The following KIAA1958 variants were observed in gnomAD, a reference collection of about 807,000 sequenced individuals.
The protein encoded by KIAA1958 is KIAA1958, also known as uncharacterized protein KIAA1958.
A neutral mutation model predicts 47.2 loss-of-function variants in KIAA1958; 14 were observed. That is an observed-to-expected ratio of 0.30 (90% CI 0.20 to 0.46). The LOEUF is 0.46. KIAA1958 is among the 20% of genes least tolerant of loss of function. The pLI is 1.00. For synonymous variants in KIAA1958, 354 were observed against 353.3 expected, an observed-to-expected ratio of 1.00 and a Z score of -0.02; for missense variants, 803 against 909.2, an observed-to-expected ratio of 0.88 and a Z score of 1.50.
intron 1 of KIAA1958, among the ~76,000 whole-genome samples, chr9:112,505,000 A>G (rs1306970702): frequency 6.6e-6 from 1 of 152,088 alleles, no homozygotes; most frequent in Non-Finnish European, 1.5e-5. Context: ...ATCTTACTCT[A>G]TGTGTACCCT....
At chr9:112,613,030 C>T (rs1004482089) in intron 2 of KIAA1958, among the ~76,000 whole-genome samples, 16 of 152,110 alleles carry the variant, frequency 1.1e-4, no homozygotes, top group African/African-American at 3.6e-4. Flanking sequence ...ATAGTATGTT[C>T]CTCCCCCCCA....
chr9:112,641,385 C>T (rs1836887505), intron 2 of KIAA1958, among the ~76,000 whole-genome samples: 2 of 114,114 alleles, frequency 1.8e-5, no homozygotes, highest in Admixed American at 8.9e-5. Context: ...TGATTCTTCT[C>T]GCTATGTTGA....
In KIAA1958 at chr9:112,666,969, A is replaced by G. The variant is rs1387186563; in HGVS notation, c.*6900A>G. The stretch of plus-strand genomic sequence containing the variant: ...GAAGGACTATTAGACCTATGGTGGC[A>G]TCCCAAGAATAAAGCCCTTTAGGTG... On this transcript the variant is annotated 3_prime_UTR_variant, in exon 4 of 4. Coordinates refer to ENST00000337530, the MANE Select transcript of KIAA1958 (RefSeq NM_133465.4). 6.6e-6 allele frequency: 1 copy of G among 152,266 alleles called. No individual in the cohort carries two copies. The highest frequency in any genetic ancestry group is 1.5e-5 in the Non-Finnish European group (1 of 68,038). 9.4% of individuals were successfully genotyped at this position (152,266 alleles called of 1,614,324 possible). A position where few individuals can be genotyped will look rare whatever the true frequency, so the allele number is the denominator to read the frequency against.
intron 2 of KIAA1958, among the ~76,000 whole-genome samples, chr9:112,592,723 A>G (rs1035234742): frequency 1.3e-5 from 2 of 152,222 alleles, no homozygotes; most frequent in African/African-American, 4.8e-5. Context: ...TTAATAGAAG[A>G]GAGGTAGCCT....
chr9:112,531,710 G>C (rs1294053041), intron 1 of KIAA1958, among the ~76,000 whole-genome samples: 7 of 152,128 alleles, frequency 4.6e-5, no homozygotes, highest in African/African-American at 1.7e-4. Flanking sequence ...CTAGTGAACC[G>C]GTTCCTATTT....
intron 1 of KIAA1958, among the ~76,000 whole-genome samples, chr9:112,528,577 C>T (rs1424966987): frequency 1.3e-5 from 2 of 152,150 alleles, no homozygotes; most frequent in African/African-American, 4.8e-5. Flanking sequence ...GGCTGAAGTG[C>T]AGTGGCATGA....
At chr9:112,522,810 G>C (rs938411000) in intron 1 of KIAA1958, among the ~76,000 whole-genome samples, 2 of 152,212 alleles carry the variant, frequency 1.3e-5, no homozygotes, top group African/African-American at 4.8e-5. Context: ...TCTCAGCTCA[G>C]TCCCCAGTGG....
intron 2 of KIAA1958, among the ~76,000 whole-genome samples, chr9:112,638,426 C>T (rs148956833): frequency 6.6e-6 from 1 of 152,032 alleles, no homozygotes; most frequent in Non-Finnish European, 1.5e-5. Context: ...CTCTTGAACC[C>T]AGGAGCACGA....
At chr9:112,527,995 G>C (rs1255145409) in intron 1 of KIAA1958, among the ~76,000 whole-genome samples, 2 of 151,506 alleles carry the variant, frequency 1.3e-5, no homozygotes, top group Non-Finnish European at 2.9e-5. Flanking sequence ...TCAATACTCA[G>C]TAGTTGCCAA....
At chr9:112,522,036 A>G (rs1834553958) in intron 1 of KIAA1958, among the ~76,000 whole-genome samples, 1 of 151,710 alleles carries the variant, frequency 6.6e-6, no homozygotes, top group Admixed American at 6.6e-5. Context: ...CAGTGGTGCA[A>G]TCTTGGCTCA....
At chr9:112,516,937 A>G (rs1287075638) in intron 1 of KIAA1958, among the ~76,000 whole-genome samples, 3 of 152,234 alleles carry the variant, frequency 2.0e-5, no homozygotes, top group African/African-American at 2.4e-5. Flanking sequence ...GAGGTATGGA[A>G]ACAGTTGATT....
At chr9:112,568,936 TAAAAAAAAAAAAAAAA>T (rs57898820) in intron 1 of KIAA1958, among the ~76,000 whole-genome samples, 2 of 36,454 alleles carry the variant, frequency 5.5e-5, no homozygotes, top group African/African-American at 1.1e-4. Context: ...ATAGGAAAAC[TAAAAAAAAAAAAAAAA>T]AAAAAAAAAA....
chr9:112,584,304 T>C (rs981816818), intron 2 of KIAA1958, among the ~76,000 whole-genome samples: 9 of 152,226 alleles, frequency 5.9e-5, no homozygotes, highest in African/African-American at 2.2e-4. Flanking sequence ...ATAGATTAAG[T>C]TGAGCTATAC....
At chr9:112,584,152 A>T (rs1427047633) in intron 2 of KIAA1958, among the ~76,000 whole-genome samples, 2 of 152,182 alleles carry the variant, frequency 1.3e-5, no homozygotes, top group Admixed American at 6.5e-5. Context: ...AACTTTACAC[A>T]CAACAGCCTG....
intron 2 of KIAA1958, among the ~76,000 whole-genome samples, chr9:112,584,206 G>A (rs1205928379): frequency 1.3e-5 from 2 of 152,208 alleles, no homozygotes; most frequent in East Asian, 3.9e-4. Flanking sequence ...GGGTGACTGT[G>A]GCAAGTTACT....
At chr9:112,539,595 A>C (rs1834907099) in intron 1 of KIAA1958, among the ~76,000 whole-genome samples, 2 of 152,114 alleles carry the variant, frequency 1.3e-5, no homozygotes, top group African/African-American at 4.8e-5. Flanking sequence ...AAGATGTTCT[A>C]AAATTGATTG....
chr9:112,562,528 C>A (rs1835351757), intron 1 of KIAA1958, among the ~76,000 whole-genome samples: 1 of 152,164 alleles, frequency 6.6e-6, no homozygotes. Context: ...GGGTTTAGGG[C>A]AGGGCAGTTG....
At position 112,574,675 on chromosome 9, in the gene KIAA1958, A is replaced by G. The variant is rs1489815499; in HGVS notation, c.595A>G (p.Ile199Val). 1.2e-6 allele frequency: 2 copies of G among 1,614,044 alleles called. No homozygotes were observed. Among genetic ancestry groups the G allele is most frequent in the African/African-American group, 2.7e-5 (2 of 74,904 alleles). The change falls in exon 2 of 4, where the codon ATC (isoleucine) becomes GTC (valine). Residue 199 changes from isoleucine to valine, a missense_variant. Physicochemically the swap from Ile to Val is conservative, Grantham distance 29. Around this residue, in one of 2 missense-constraint regions of KIAA1958, gnomAD observed 761 missense variants for 829.3 expected, o/e 0.92. Coordinates refer to ENST00000337530, the MANE Select transcript of KIAA1958 (RefSeq NM_133465.4). ...GGTTGACGAATGCAGCAATGATGTC[A>G]TCATCAAGAAAATCAAACAAGAAAT... ...QMVDECSNDV[I>V]IKKIKQEIPE...
At chr9:112,570,669 G>A (rs77347106) in intron 1 of KIAA1958, among the ~76,000 whole-genome samples, 1 of 152,162 alleles carries the variant, frequency 6.6e-6, no homozygotes, top group East Asian at 1.9e-4. Flanking sequence ...ATGATACTTG[G>A]CTTTGCCAGT....
Sources: gnomAD v4.1 joint callset for allele counts (sites outside exome capture counted in the v4.1 genomes callset) on GRCh38, gnomAD v4.1.1 for gene constraint, gnomAD v4.1.1 regional missense constraint, MANE v1.5 for transcripts, NCBI Gene and HGNC (gene_info 2026-07-23, HGNC 2026-07-21) for gene names.